The following PACRG variants were observed in gnomAD, a reference collection of about 807,000 sequenced individuals.
PACRG encodes parkin coregulated, also known as parkin coregulated gene protein.
PACRG carries 29 observed loss-of-function variants against 29.7 expected under a neutral mutation model. The ratio of observed to expected loss-of-function variants is 0.98; its 90% CI spans 0.73 to 1.33. The LOEUF (loss-of-function observed/expected upper bound fraction) is 1.33. Ranked by LOEUF, PACRG falls within the 40% of genes most tolerant of loss-of-function variation. The probability of loss-of-function intolerance (pLI) is 0.00; values close to 1 mark genes in which losing one functional copy is unlikely to be tolerated. For synonymous variants in PACRG, 116 were observed against 118.7 expected (o/e 0.98, Z 0.15); for missense variants, 279 against 316.2 (o/e 0.88, Z 0.89).
At chr6:163,214,616 T>C (rs1287405526) in intron 4 of PACRG, among the ~76,000 whole-genome samples, 2 of 152,220 alleles carry the variant, frequency 1.3e-5, no homozygotes, top group East Asian at 3.9e-4. Context: ...TTGTAAATGG[T>C]GTACTTATTT....
intron 1 of PACRG, among the ~76,000 whole-genome samples, chr6:162,731,320 GC>G (rs1197017823): frequency 2.6e-5 from 4 of 151,944 alleles, no homozygotes; most frequent in Admixed American, 6.6e-5. Flanking sequence ...TACAGATTCT[GC>G]CTCCATGGAT....
intron 4 of PACRG, among the ~76,000 whole-genome samples, chr6:163,120,829 G>A (rs1009556004): frequency 6.6e-6 from 1 of 152,124 alleles, no homozygotes; most frequent in Non-Finnish European, 1.5e-5. Context: ...GTCAGCCGGG[G>A]GAATAAGCTA....
chr6:162,770,679 A>G (rs1453073930), intron 1 of PACRG, among the ~76,000 whole-genome samples: 1 of 152,106 alleles, frequency 6.6e-6, no homozygotes, highest in South Asian at 2.1e-4. Context: ...TCTTCTCAGT[A>G]GGGCTTTGAT....
rs1161269412 is a variant in PACRG at position 162,777,811 on chromosome 6, CTGCACT to C, written c.157-36332_157-36327del. ...ATGCAGCTGATTTGAACAACATTTACTGCACTTGCTTTGAACTAATAAAAGAAAAAA... is the reference window on the plus strand; with the variant it reads ...ATGCAGCTGATTTGAACAACATTTACTGCTTTGAACTAATAAAAGAAAAAA... On this transcript the variant is annotated intron_variant, in intron 1 of 4. Transcript: ENST00000366888. This position sits in a 1 kb window ranked among gnomAD's most constrained non-coding sequence, Gnocchi z 4.0. Among the ~76,000 whole-genome samples the C allele has an allele frequency of 6.6e-6, 1 of 152,180 alleles. No homozygotes were observed. The highest frequency in any genetic ancestry group is 6.5e-5 in the Admixed American group (1 of 15,276).
In PACRG at chr6:163,159,905, C is replaced by G. The variant is rs536137378; in HGVS notation, c.613+70497C>G. ...ATTCCGCCTCCACCCCCGTGACTTC[C>G]TCTCCTGCCTCCTTCCAGGATGGAC... On this transcript the variant is annotated intron_variant, in intron 4 of 4. Transcript: ENST00000366888. Among the ~76,000 whole-genome samples, 399 of 152,318 alleles carry G rather than the reference C, an allele frequency of 2.6e-3. 6 individuals are homozygous for G. In the South Asian group the frequency reaches 0.027, roughly 10 times the overall value.
At chr6:162,852,005 G>GAGGGAGGA (rs1554291943) in intron 2 of PACRG, among the ~76,000 whole-genome samples, 1 of 116,032 alleles carries the variant, frequency 8.6e-6, no homozygotes, top group African/African-American at 3.4e-5. Context: ...GGGAGGGAGG[G>GAGGGAGGA]AGGAAGGAAG....
At chr6:162,958,884 TAGAGAGAGAGAGAGAGAGAGAGAGAGAG>T (rs200270873) in intron 2 of PACRG, among the ~76,000 whole-genome samples, 1 of 21,152 alleles carries the variant, frequency 4.7e-5, no homozygotes, top group African/African-American at 1.5e-4. Flanking sequence ...TATATATATA[TAGAGAGAGAGAGAGAGAGAGAGAGAGAG>T]AGAGAGAGAG....
chr6:162,976,857 A>G (rs1562796467), intron 2 of PACRG, among the ~76,000 whole-genome samples: 1 of 152,176 alleles, frequency 6.6e-6, no homozygotes. Context: ...AAATACTATT[A>G]TTAGAAGTAT....
chr6:162,801,714 A>C (rs2128341273), intron 1 of PACRG, among the ~76,000 whole-genome samples: 1 of 152,288 alleles, frequency 6.6e-6, no homozygotes, highest in African/African-American at 2.4e-5. Flanking sequence ...AGGAAATATG[A>C]ATTTTATTGC....
intron 4 of PACRG, among the ~76,000 whole-genome samples, chr6:163,251,330 C>A (rs1296262818): frequency 6.6e-6 from 1 of 152,100 alleles, no homozygotes; most frequent in Non-Finnish European, 1.5e-5. Flanking sequence ...TGGGATCATG[C>A]AGCCTTTATT....
At chr6:163,298,778 T>A (rs1784877648) in intron 4 of PACRG, among the ~76,000 whole-genome samples, 1 of 152,194 alleles carries the variant, frequency 6.6e-6, no homozygotes, top group East Asian at 1.9e-4. Flanking sequence ...CTCAGTGAAA[T>A]CATCCTCTCC....
chr6:162,814,403 TG>T (rs1364212641), intron 2 of PACRG, 122 bp downstream of exon 2: 2 of 1,298,904 alleles, frequency 1.5e-6, no homozygotes, highest in Non-Finnish European at 2.1e-6. Context: ...TGGAAGATGG[TG>T]GGAAAGCTCT....
At chr6:162,754,930 G>A (rs1781788259) in intron 1 of PACRG, among the ~76,000 whole-genome samples, 1 of 152,054 alleles carries the variant, frequency 6.6e-6, no homozygotes, top group Admixed American at 6.6e-5. Flanking sequence ...TTTGGTGGGG[G>A]ACTTTTACAG....
rs566242808 is a variant in PACRG, at chr6:163,057,078, C to T, written c.292-5072C>T. Among the ~76,000 whole-genome samples the T allele has an allele frequency of 5.5e-4, 84 of 152,252 alleles. 1 individual carries two copies. Among genetic ancestry groups the T allele is most frequent in the African/African-American group, 1.9e-3 (81 of 41,554 alleles). ...ATTAATAATTTGCACTCAAGGATTACAGTCAAAAGAGAATTTGTATCCCAG... is the reference window on the plus strand; with the variant it reads ...ATTAATAATTTGCACTCAAGGATTATAGTCAAAAGAGAATTTGTATCCCAG... On this transcript the variant is annotated intron_variant, in intron 2 of 4. Coordinates refer to ENST00000366888, the MANE Select transcript of PACRG (RefSeq NM_001080379.2).
chr6:163,045,009 G>A (rs1271643400), intron 2 of PACRG, among the ~76,000 whole-genome samples: 2 of 152,192 alleles, frequency 1.3e-5, no homozygotes, highest in African/African-American at 4.8e-5. Context: ...GAAAAGAAAG[G>A]AGAGGTAATT....
intron 2 of PACRG, among the ~76,000 whole-genome samples, chr6:162,882,716 C>A (rs749788783): frequency 3.9e-5 from 6 of 152,204 alleles, no homozygotes; most frequent in Non-Finnish European, 7.3e-5. Flanking sequence ...TTGTCCAGGT[C>A]ATTTCTATGC....
In PACRG at chr6:163,055,393, T is replaced by C. The variant is rs1254329555; in HGVS notation, c.292-6757T>C. On this transcript the variant is annotated intron_variant, in intron 2 of 4. Coordinates refer to ENST00000366888, the MANE Select transcript of PACRG (RefSeq NM_001080379.2). The surrounding 1 kb of genome is among the most constrained non-coding windows in gnomAD (Gnocchi z 4.0). ...ACATATACACACATGCACTCACATA[T>C]ATACACACGTGCACACACACGCAAA... Among the ~76,000 whole-genome samples the C allele has an allele frequency of 6.6e-6, 1 of 151,888 alleles. No homozygotes were observed. Among genetic ancestry groups the C allele is most frequent in the East Asian group, 1.9e-4 (1 of 5,158 alleles).
At chr6:163,196,964 T>C (rs914538450) in intron 4 of PACRG, among the ~76,000 whole-genome samples, 10 of 144,850 alleles carry the variant, frequency 6.9e-5, no homozygotes, top group African/African-American at 2.2e-4. Context: ...GATAGATAGA[T>C]AGATAGAGGC....
chr6:163,099,236 C>G (rs1245217587), intron 4 of PACRG, among the ~76,000 whole-genome samples: 2 of 152,190 alleles, frequency 1.3e-5, no homozygotes, highest in Non-Finnish European at 2.9e-5. Context: ...GTTTCCAGTG[C>G]TTGGCCAGTG....
Sources: allele counts gnomAD v4.1 joint callset (sites outside exome capture counted in the v4.1 genomes callset), GRCh38; gene constraint gnomAD v4.1.1; non-coding constraint Gnocchi (gnomAD v3.1); transcripts MANE v1.5; gene names NCBI Gene and HGNC (gene_info 2026-07-23, HGNC 2026-07-21).